TNFRSF14: variants seen among roughly 807,000 people sequenced by gnomAD.
TNFRSF14 encodes TNF receptor superfamily member 14, also known as tumor necrosis factor receptor superfamily member 14.
TNFRSF14 carries 18 observed loss-of-function variants against 34.1 expected under a neutral mutation model. The ratio of observed to expected loss-of-function variants is 0.53; its 90% CI spans 0.36 to 0.78. TNFRSF14 has a LOEUF of 0.78. Among genes scored for constraint, TNFRSF14 ranks in the 30% least tolerant of loss-of-function variants. TNFRSF14 has a pLI of 0.00. For missense variants in TNFRSF14, 352 were observed against 379.5 expected (o/e 0.93, Z 0.60); for synonymous variants, 157 against 153.2 (o/e 1.02, Z -0.18).
intron 2 of TNFRSF14, 36 bp from the exon 3 acceptor site, chr1:2,558,307 C>T (rs376994775): frequency 6.0e-5 from 95 of 1,578,718 alleles, no homozygotes; most frequent in East Asian, 2.3e-4. Context: ...AGGGGCCTCC[C>T]GCAGACTTGC....
chr1:2,558,234 C>A, intron 2 of TNFRSF14, 109 bp from the exon 3 acceptor site: 1 of 1,472,320 alleles, frequency 6.8e-7, no homozygotes, highest in Non-Finnish European at 9.0e-7. Flanking sequence ...CATTTGAGTC[C>A]CCTTAGCTGG....
intron 3 of TNFRSF14, 35 bp from the exon 4 acceptor site, chr1:2,559,788 A>G (rs1388723914): frequency 4.4e-6 from 7 of 1,589,690 alleles, no homozygotes; most frequent in Non-Finnish European, 5.1e-6. Context: ...CCCGGCCTCC[A>G]CGTACCCCTC....
In TNFRSF14 at chr1:2,560,684, G is replaced by A. The variant is rs11573986; in HGVS notation, c.521G>A (p.Gly174Glu). The change falls in exon 5 of 8, where the codon GGG becomes GAG. Residue 174 changes from glycine (G) to glutamate (E), a missense_variant. Physicochemically the swap from Gly to Glu is moderately conservative, Grantham distance 98. Coordinates refer to ENST00000355716, the MANE Select transcript of TNFRSF14 (RefSeq NM_003820.4). ...CCCCCGGGGACCTTCTCTCCCAATG[G>A]GACCCTGGAGGAATGTCAGCACCAG... is the stretch of plus-strand genomic sequence containing the variant. Reference protein sequence around the residue: ...NCPPGTFSPNGTLEECQHQTK... With the variant: ...NCPPGTFSPNETLEECQHQTK... 1.1e-3 allele frequency: 1,777 copies of A among 1,613,388 alleles called. 20 individuals are homozygous for A. The African/African-American group carries it at 0.021, about 19-fold the overall frequency.
At chr1:2,557,093 G>C (rs1244999062) in intron 1 of TNFRSF14, 2 of 315,174 alleles carry the variant, frequency 6.3e-6, no homozygotes, top group Admixed American at 4.5e-5. Context: ...CCAACTCCCC[G>C]GCAGCCCTGA....
Position 2,556,656 on chromosome 1 carries a change from G to A in TNFRSF14, c.-9G>A. 1.9e-6 allele frequency: 3 copies of A among 1,609,610 alleles called. No homozygotes were observed. The highest frequency in any genetic ancestry group is 2.5e-6 in the Non-Finnish European group (3 of 1,177,966). ...CTGGGTTCCCGAGCTGCCGGTCTGAGCCTGAGGCATGGAGCCTCCTGGAGA... is the reference window on the plus strand; with the variant it reads ...CTGGGTTCCCGAGCTGCCGGTCTGAACCTGAGGCATGGAGCCTCCTGGAGA... On this transcript the variant is annotated 5_prime_UTR_variant, in exon 1 of 8. Coordinates refer to ENST00000355716, the MANE Select transcript of TNFRSF14 (RefSeq NM_003820.4).
intron 2 of TNFRSF14, 78 bp downstream of exon 2, chr1:2,557,912 T>C (rs926231003): frequency 1.7e-6 from 2 of 1,195,484 alleles, no homozygotes; most frequent in African/African-American, 3.1e-5. Flanking sequence ...CAGACACCCC[T>C]GTGTTCTCTG....
Position 2,556,577 on chromosome 1 carries a change from G to T in TNFRSF14, c.-88G>T. 1 of 1,280,848 alleles carries T rather than the reference G, an allele frequency of 7.8e-7. No homozygotes were observed. Among genetic ancestry groups the T allele is most frequent in the East Asian group, 2.5e-5 (1 of 40,426 alleles). 79.3% of individuals were successfully genotyped at this position (1,280,848 alleles called of 1,614,324 possible). On this transcript the variant is annotated 5_prime_UTR_variant, in exon 1 of 8. Coordinates refer to ENST00000355716, the MANE Select transcript of TNFRSF14 (RefSeq NM_003820.4). ...TCTTTCTCTTTCTCTTTCTCTTCTG[G>T]CCCACAGCCGCAGCAATGGCGCTGA...
Position 2,557,751 on chromosome 1 carries a change from C to A in TNFRSF14, c.95C>A (p.Ala32Asp), listed in dbSNP as rs779635517. 2 of 1,610,054 alleles carry A rather than the reference C, an allele frequency of 1.2e-6. No individual in the cohort carries two copies. The highest frequency in any genetic ancestry group is 1.3e-5 in the African/African-American group (1 of 74,846). Residue 32 changes from alanine to aspartate, a missense_variant, in exon 2 of 8, where the codon GCC becomes GAC. Coordinates refer to ENST00000355716, the MANE Select transcript of TNFRSF14 (RefSeq NM_003820.4). ...RLVLYLTFLG[A>D]PCYAPALPSC... is the part of the protein sequence containing the mutation. ...GTGCTGTATCTCACCTTCCTGGGAG[C>A]CCCCTGCTACGCCCCAGCTCTGCCG...
Position 2,563,372 on chromosome 1 carries a change from G to C in TNFRSF14, c.*99G>C, listed in dbSNP as rs1420808970. On this transcript the variant is annotated 3_prime_UTR_variant, in exon 8 of 8. Coordinates refer to ENST00000355716, the MANE Select transcript of TNFRSF14 (RefSeq NM_003820.4). ...AACCACCGGAGCCCGGAGGCTTGGGGGCTCCGCCCTGGGCTGGCTTCCGTC... is the reference window on the plus strand; with the variant it reads ...AACCACCGGAGCCCGGAGGCTTGGGCGCTCCGCCCTGGGCTGGCTTCCGTC... 6.4e-7 allele frequency: 1 copy of C among 1,554,190 alleles called. No individual in the cohort carries two copies. Among genetic ancestry groups the C allele is most frequent in the African/African-American group, 1.4e-5 (1 of 73,264 alleles).
At position 2,558,477 on chromosome 1, in the gene TNFRSF14, C is replaced by T. The variant is rs1389200298; in HGVS notation, c.304+9C>T. The T allele has an allele frequency of 6.2e-7, 1 of 1,612,402 alleles. No homozygotes were observed. Among genetic ancestry groups the T allele is most frequent in the Non-Finnish European group, 8.5e-7 (1 of 1,179,740 alleles). ...CCAAATGTGTGACCCAGGTAAGAGG[C>T]CAGCACAGCCGGCCCAGCCTCCGCT... is the stretch of plus-strand genomic sequence containing the variant. On this transcript the variant is annotated intron_variant, in intron 3 of 7. Transcript: ENST00000355716.
At chr1:2,559,456 T>C (rs1644270874) in intron 3 of TNFRSF14, 1 of 1,418,598 alleles carries the variant, frequency 7.0e-7, no homozygotes, top group African/African-American at 1.4e-5. Context: ...GGAAACCCGT[T>C]TGCGGGGTGG....
rs768520625 is a variant in TNFRSF14, at chr1:2,556,699, G to A, written c.35G>A (p.Trp12Ter). 6.2e-7 allele frequency: 1 copy of A among 1,608,462 alleles called. No homozygotes were observed. Among genetic ancestry groups the A allele is most frequent in the Non-Finnish European group, 8.5e-7 (1 of 1,177,304 alleles). ...CCTGGAGACTGGGGGCCTCCTCCCT[G>A]GAGATCCACCCCCAAAACCGACGTC... ...EPPGDWGPPP[W>*]RSTPKTDVLR... Residue 12 changes from tryptophan to a stop codon, truncating the protein, a stop_gained, in exon 1 of 8, where the codon TGG (tryptophan) becomes TAG (stop). Transcript: ENST00000355716. LOFTEE classifies it high-confidence loss of function.
intron 3 of TNFRSF14, 148 bp downstream of exon 3, chr1:2,558,616 G>A: frequency 1.4e-6 from 2 of 1,445,722 alleles, no homozygotes; most frequent in South Asian, 1.3e-5. Flanking sequence ...GATGCACCCT[G>A]CAGGGGACGC....
At chr1:2,559,217 C>T in intron 3 of TNFRSF14, 1 of 1,369,886 alleles carries the variant, frequency 7.3e-7, no homozygotes, top group Non-Finnish European at 9.6e-7. Flanking sequence ...TGCATGTAGG[C>T]TGGGATTTGG....
Position 2,559,804 on chromosome 1 carries a change from C to A in TNFRSF14, c.305-19C>A. ...CCGGCCTCCACGTACCCCTCTCAGC[C>A]CCTCCTCTTGGACTCCAGCCATGGG... On this transcript the variant is annotated intron_variant, in intron 3 of 7. Coordinates refer to ENST00000355716, the MANE Select transcript of TNFRSF14 (RefSeq NM_003820.4). 1 of 1,601,982 alleles carries A rather than the reference C, an allele frequency of 6.2e-7. No homozygotes were observed. Among genetic ancestry groups the A allele is most frequent in the Non-Finnish European group, 8.5e-7 (1 of 1,176,104 alleles).
intron 5 of TNFRSF14, chr1:2,560,961 C>T (rs918512179): frequency 2.0e-6 from 1 of 508,518 alleles, no homozygotes; most frequent in African/African-American, 1.9e-5. Context: ...ATGGGCCTTC[C>T]CAGAAGCAGG....
At position 2,559,374 on chromosome 1, in the gene TNFRSF14, A is replaced by T. The variant is rs1051479414; in HGVS notation, c.305-449A>T. The T allele has an allele frequency of 5.8e-6, 8 of 1,375,684 alleles. No individual in the cohort carries two copies. In the Admixed American group the frequency reaches 6.5e-5, roughly 11 times the overall value. 85.2% of individuals were successfully genotyped at this position (1,375,684 alleles called of 1,614,324 possible). A position where few individuals can be genotyped will look rare whatever the true frequency, so the allele number is the denominator to read the frequency against. On this transcript the variant is annotated intron_variant, in intron 3 of 7. Transcript: ENST00000355716. ...CAGGCCCAGCTTGTACCCCACCTCC[A>T]CCAGTACCTGAAGAAGTGGGGCTCT... is the stretch of plus-strand genomic sequence containing the variant.
intron 4 of TNFRSF14, 56 bp from the exon 5 acceptor site, chr1:2,560,568 C>A: frequency 7.1e-7 from 1 of 1,409,530 alleles, no homozygotes; most frequent in Non-Finnish European, 9.9e-7. Context: ...CCCTAGCCGC[C>A]AGCCCCCTCC....
At position 2,559,347 on chromosome 1, in the gene TNFRSF14, C is replaced by T. The variant is rs535767072; in HGVS notation, c.305-476C>T. The T allele has an allele frequency of 3.2e-4, 434 of 1,374,980 alleles. No individual in the cohort carries two copies. The highest frequency in any genetic ancestry group is 4.0e-4 in the Non-Finnish European group (412 of 1,042,180). 85.2% of individuals were successfully genotyped at this position (1,374,980 alleles called of 1,614,324 possible). A position where few individuals can be genotyped will look rare whatever the true frequency, so the allele number is the denominator to read the frequency against. On this transcript the variant is annotated intron_variant, in intron 3 of 7. Coordinates refer to ENST00000355716, the MANE Select transcript of TNFRSF14 (RefSeq NM_003820.4). ...CAGGTGAGGCTGCCCTCAGGAGGGG[C>T]CCAGGCCCAGCTTGTACCCCACCTC...
Sources: gnomAD v4.1 joint callset for allele counts on GRCh38, gnomAD v4.1.1 for gene constraint, MANE v1.5 for transcripts, NCBI Gene and HGNC (gene_info 2026-07-23, HGNC 2026-07-21) for gene names.